Variants in CTNND2 observed in about 807,000 individuals in gnomAD.
CTNND2 encodes catenin delta 2.
In CTNND2, 22 loss-of-function variants were observed where a neutral mutation model predicts 144.4. That is an observed-to-expected ratio of 0.15 (90% CI 0.11 to 0.22). CTNND2 has a LOEUF of 0.22. CTNND2 is among the 10% of genes least tolerant of loss of function. CTNND2 has a pLI of 1.00. For missense variants in CTNND2, 1,353 were observed against 1,618.8 expected, an observed-to-expected ratio of 0.84 and a Z score of 2.82; for synonymous variants, 751 against 695.6, an observed-to-expected ratio of 1.08 and a Z score of -1.25.
chr5:11,362,909 C>T (rs1016052246), intron 8 of CTNND2, among the ~76,000 whole-genome samples: 1 of 152,218 alleles, frequency 6.6e-6, no homozygotes, highest in African/African-American at 2.4e-5. Flanking sequence ...CCACTCTGCC[C>T]CTGCAGGGCC....
intron 3 of CTNND2, among the ~76,000 whole-genome samples, chr5:11,468,470 G>A (rs1157316622): frequency 6.6e-6 from 1 of 152,070 alleles, no homozygotes; most frequent in African/African-American, 2.4e-5. Flanking sequence ...CATTTCAAGA[G>A]TTCCATGGTA....
intron 11 of CTNND2, among the ~76,000 whole-genome samples, chr5:11,190,886 C>T (rs32274): frequency 1.1e-4 from 16 of 152,020 alleles, no homozygotes; most frequent in East Asian, 1.9e-4. Context: ...TTCAGGTTCA[C>T]GAACAACGGA....
chr5:11,473,337 T>C (rs1767408180), intron 3 of CTNND2, among the ~76,000 whole-genome samples: 1 of 152,154 alleles, frequency 6.6e-6, no homozygotes, highest in African/African-American at 2.4e-5. Flanking sequence ...TCTAGCCCAC[T>C]CCTGGCATTG....
chr5:11,236,591 A>G (rs1003709896), intron 10 of CTNND2, 100 bp downstream of exon 10: 2 of 1,298,344 alleles, frequency 1.5e-6, no homozygotes, highest in African/African-American at 1.5e-5. Flanking sequence ...TTTTAAAAGC[A>G]TAACTTCAGT....
intron 15 of CTNND2, among the ~76,000 whole-genome samples, chr5:11,087,806 G>A (rs1290163650): frequency 6.6e-6 from 1 of 152,164 alleles, no homozygotes; most frequent in African/African-American, 2.4e-5. Context: ...TCAAGTTAGG[G>A]CAAAGACTGA....
intron 3 of CTNND2, among the ~76,000 whole-genome samples, chr5:11,499,490 C>A (rs1770333778): frequency 6.6e-6 from 1 of 152,294 alleles, no homozygotes; most frequent in East Asian, 1.9e-4. Flanking sequence ...TATCCATTAC[C>A]AAGCTCCAAT....
chr5:11,726,533 A>G (rs560006884), intron 2 of CTNND2, among the ~76,000 whole-genome samples: 1 of 152,348 alleles, frequency 6.6e-6, no homozygotes, highest in East Asian at 1.9e-4. Flanking sequence ...CTTTTACACA[A>G]CATGCATGAA....
intron 1 of CTNND2, among the ~76,000 whole-genome samples, chr5:11,844,003 A>G (rs552590219): frequency 1.3e-5 from 2 of 152,314 alleles, no homozygotes; most frequent in South Asian, 4.1e-4. Flanking sequence ...ATTTAGATTC[A>G]AGAGAATTCA....
At chr5:11,713,363 G>T (rs949989301) in intron 2 of CTNND2, among the ~76,000 whole-genome samples, 1 of 152,022 alleles carries the variant, frequency 6.6e-6, no homozygotes, top group Non-Finnish European at 1.5e-5. Context: ...GGAGGATCAT[G>T]AGGTCAGGAG....
At chr5:11,184,350 A>C (rs1735404052) in intron 11 of CTNND2, among the ~76,000 whole-genome samples, 1 of 152,236 alleles carries the variant, frequency 6.6e-6, no homozygotes, top group African/African-American at 2.4e-5. Flanking sequence ...CTTTTAATTA[A>C]CTGCACAGAT....
intron 11 of CTNND2, among the ~76,000 whole-genome samples, chr5:11,187,833 C>G (rs1735798511): frequency 6.6e-6 from 1 of 152,132 alleles, no homozygotes. Context: ...ATTCATGCAG[C>G]CAACAAACCT....
intron 3 of CTNND2, among the ~76,000 whole-genome samples, chr5:11,473,061 C>A (rs1021425721): frequency 6.6e-6 from 1 of 152,070 alleles, no homozygotes; most frequent in African/African-American, 2.4e-5. Flanking sequence ...CAGAGCAAAA[C>A]TCTGCCTCAA....
chr5:11,699,579 CG>C (rs1785323395), intron 2 of CTNND2, among the ~76,000 whole-genome samples: 2 of 151,884 alleles, frequency 1.3e-5, no homozygotes, highest in African/African-American at 4.8e-5. Flanking sequence ...TAATATTCCT[CG>C]GGGATATCAT....
intron 3 of CTNND2, among the ~76,000 whole-genome samples, chr5:11,433,196 A>C (rs183311108): frequency 0.013 from 2,006 of 151,622 alleles, 54 homozygotes; most frequent in African/African-American, 0.047. Flanking sequence ...CAGTGAGCCC[A>C]GATCACGCCA....
chr5:11,901,043 C>G (rs61761567), intron 1 of CTNND2, among the ~76,000 whole-genome samples: 2,986 of 152,230 alleles, frequency 0.02, 50 homozygotes, highest in Non-Finnish European at 0.031. Context: ...ATTGGAAGTT[C>G]AAAATGTAAC....
rs745358008 is a variant in CTNND2, at chr5:11,397,057, G to C, written c.586C>G (p.Arg196Gly). 1 of 1,613,778 alleles carries C rather than the reference G, an allele frequency of 6.2e-7. No homozygotes were observed. Reference sequence around the variant, plus strand: ...TGGCTGAAGCTCTGGCCCGTAGCTCGGGCTTGTGTGCCTCGGGCCGGGAGC... The same window carrying C: ...TGGCTGAAGCTCTGGCCCGTAGCTCCGGCTTGTGTGCCTCGGGCCGGGAGC... ...SQLPARGTQA[R>G]ATGQSFSQGT... The change falls in exon 6 of 22, where the codon CGA becomes GGA. Residue 196 changes from arginine to glycine, a missense_variant. Arg to Gly is a moderately radical substitution (Grantham distance 125). Transcript: ENST00000304623.
rs1204498833 is a variant in CTNND2 at position 10,988,029 on chromosome 5, G to T, written c.3343+82C>A. ...TCAGCAGCCAAGCGCAGCCAGCCCC[G>T]TGAAGCCTGATGTCCCATATCTCTG... On this transcript the variant is annotated intron_variant, in intron 20 of 21. Transcript: ENST00000304623. This position sits in a 1 kb window ranked among gnomAD's most constrained non-coding sequence, Gnocchi z 5.9. The T allele has an allele frequency of 2.5e-6, 4 of 1,571,458 alleles. No homozygotes were observed.
intron 9 of CTNND2, among the ~76,000 whole-genome samples, chr5:11,240,245 ACACT>A (rs1742120386): frequency 1.5e-5 from 2 of 129,092 alleles, no homozygotes; most frequent in African/African-American, 3.0e-5. Context: ...ACCAACACAC[ACACT>A]CACACACCCA....
chr5:11,267,630 G>A (rs886912281), intron 9 of CTNND2, among the ~76,000 whole-genome samples: 4 of 152,170 alleles, frequency 2.6e-5, no homozygotes, highest in African/African-American at 4.8e-5. Context: ...AATGCCCACC[G>A]TGTGATTTAA....
Sources: gnomAD v4.1 joint callset for allele counts (sites outside exome capture counted in the v4.1 genomes callset) on GRCh38, gnomAD v4.1.1 for gene constraint, Gnocchi (gnomAD v3.1) non-coding constraint, MANE v1.5 for transcripts, NCBI Gene and HGNC (gene_info 2026-07-23, HGNC 2026-07-21) for gene names.